The following ZNF503 variants were observed in gnomAD, a reference collection of about 807,000 sequenced individuals.
The protein encoded by ZNF503 is NocA-like zinc finger 2.
A neutral mutation model predicts 34.4 loss-of-function variants in ZNF503; 15 were observed. The ratio of observed to expected loss-of-function variants is 0.44; its 90% CI spans 0.29 to 0.67. The LOEUF is 0.67. Among genes scored for constraint, ZNF503 ranks in the 30% least tolerant of loss-of-function variants. ZNF503 has a pLI of 0.13. For synonymous variants in ZNF503, 580 were observed against 456.8 expected, an observed-to-expected ratio of 1.27 and a Z score of -3.44; for missense variants, 1,007 against 926.8, an observed-to-expected ratio of 1.09 and a Z score of -1.12.
the ZNF503 span, chr10:75,361,032 A>G: frequency 6.6e-6 from 1 of 152,372 alleles, no homozygotes; most frequent in South Asian, 2.1e-4. Context: ...CAGGGCCTGA[A>G]GCCAGAGGCT....
chr10:75,287,937 C>T, the ZNF503 span, among the ~76,000 whole-genome samples: 20 of 152,134 alleles, frequency 1.3e-4, no homozygotes, highest in African/African-American at 3.4e-4. Flanking sequence ...GTCAGTCTGC[C>T]GGGGCCCCTT....
chr10:75,369,764 C>T, the ZNF503 span, among the ~76,000 whole-genome samples: 2 of 152,064 alleles, frequency 1.3e-5, no homozygotes, highest in South Asian at 2.1e-4. Context: ...AAGGGAGAAT[C>T]TGGATAGATA....
At position 75,398,772 on chromosome 10, in the gene ZNF503, C is replaced by A; in HGVS notation, c.1918G>T (p.Ala640Ser). ...YALYGQRLTT[A>S]SALGYQ Reference sequence around the variant, plus strand: ...CCTCACTGATACCCCAGCGCCGAGGCGGTGGTCAGTCTCTGTCCGTAGAGG... The same window carrying A: ...CCTCACTGATACCCCAGCGCCGAGGAGGTGGTCAGTCTCTGTCCGTAGAGG... The change falls in exon 2 of 2, where the codon GCC becomes TCC. Residue 640 changes from alanine to serine, a missense_variant. Ala to Ser is a moderately conservative substitution (Grantham distance 99). Coordinates refer to ENST00000372524, the MANE Select transcript of ZNF503 (RefSeq NM_032772.6). 7.0e-7 allele frequency: 1 copy of A among 1,426,660 alleles called. No homozygotes were observed. The highest frequency in any genetic ancestry group is 1.6e-5 in the South Asian group (1 of 61,574). 88.4% of individuals were successfully genotyped at this position (1,426,660 alleles called of 1,614,324 possible).
chr10:75,281,124 G>T, the ZNF503 span, among the ~76,000 whole-genome samples: 1 of 152,186 alleles, frequency 6.6e-6, no homozygotes, highest in African/African-American at 2.4e-5. Context: ...ATATTGTTGG[G>T]ATGACGGTCA....
the ZNF503 span, among the ~76,000 whole-genome samples, chr10:75,341,568 G>T: frequency 6.6e-6 from 1 of 152,226 alleles, no homozygotes; most frequent in African/African-American, 2.4e-5. Context: ...TGGGTTGGCT[G>T]AGAATTGCTA....
the ZNF503 span, among the ~76,000 whole-genome samples, chr10:75,363,059 GGT>G: frequency 8.7e-5 from 13 of 148,746 alleles, no homozygotes; most frequent in African/African-American, 2.8e-4. Flanking sequence ...TGTGGGCATG[GGT>G]GTGTGTGTGC....
At chr10:75,334,220 G>A in the ZNF503 span, among the ~76,000 whole-genome samples, 4 of 151,876 alleles carry the variant, frequency 2.6e-5, no homozygotes, top group East Asian at 1.9e-4. Flanking sequence ...CGCGGGGCCC[G>A]TCCGCTCCTC....
chr10:75,349,519 G>A, the ZNF503 span, among the ~76,000 whole-genome samples: 1 of 152,232 alleles, frequency 6.6e-6, no homozygotes, highest in Non-Finnish European at 1.5e-5. Flanking sequence ...GTCATGTGAT[G>A]TGGGGATTAT....
In ZNF503 at chr10:75,398,911, G is replaced by A; in HGVS notation, c.1779C>T (p.His593=). 2 of 1,567,942 alleles carry A rather than the reference G, an allele frequency of 1.3e-6. No homozygotes were observed. The highest frequency in any genetic ancestry group is 1.7e-6 in the Non-Finnish European group (2 of 1,159,818). Residue 593 remains histidine, a synonymous_variant, in exon 2 of 2, where the codon CAC becomes CAT. Transcript: ENST00000372524. ...SPGTLALRSP[H]HALGLSSRYH... Reference sequence around the variant, plus strand: ...AGCGGCTGCTGAGTCCCAGCGCGTGGTGGGGGCTGCGCAGCGCCAGCGTCC... The same window carrying A: ...AGCGGCTGCTGAGTCCCAGCGCGTGATGGGGGCTGCGCAGCGCCAGCGTCC...
the ZNF503 span, among the ~76,000 whole-genome samples, chr10:75,323,557 T>C: frequency 1.5e-4 from 23 of 152,344 alleles, no homozygotes; most frequent in African/African-American, 4.3e-4. Flanking sequence ...TGTCAGGTTT[T>C]GTTTGTTCAT....
At chr10:75,369,096 G>A in the ZNF503 span, among the ~76,000 whole-genome samples, 1 of 152,114 alleles carries the variant, frequency 6.6e-6, no homozygotes, top group South Asian at 2.1e-4. Context: ...TATTAAGTGG[G>A]GGGAAAAAGC....
chr10:75,401,785 A>C, upstream of ZNF503: 3 of 267,836 alleles, frequency 1.1e-5, no homozygotes, highest in East Asian at 9.9e-5. Context: ...CTCACTTCAA[A>C]AGCAGCTGCA....
downstream of ZNF503, among the ~76,000 whole-genome samples, chr10:75,396,363 G>A (rs550662972): frequency 2.8e-4 from 43 of 152,300 alleles, no homozygotes; most frequent in Non-Finnish European, 4.9e-4. The surrounding 1 kb of genome is among the most constrained non-coding windows in gnomAD (Gnocchi z 4.4). Flanking sequence ...TGGAGACGGC[G>A]GCGGAGCCAG....
the ZNF503 span, among the ~76,000 whole-genome samples, chr10:75,335,603 A>G: frequency 3.3e-5 from 5 of 152,226 alleles, no homozygotes; most frequent in African/African-American, 4.8e-5. Context: ...GCCCCAACCT[A>G]TCTTTCTAAC....
downstream of ZNF503, among the ~76,000 whole-genome samples, chr10:75,397,448 G>C (rs2131985682): frequency 6.6e-6 from 1 of 152,114 alleles, no homozygotes; most frequent in African/African-American, 2.4e-5. Flanking sequence ...GGCGAGTCCC[G>C]GCCTGCTCCA....
the ZNF503 span, among the ~76,000 whole-genome samples, chr10:75,385,968 G>C: frequency 6.6e-6 from 1 of 152,112 alleles, no homozygotes; most frequent in Non-Finnish European, 1.5e-5. Flanking sequence ...ACGCAATGCA[G>C]GCATCAGAAA....
At chr10:75,297,395 C>T in the ZNF503 span, among the ~76,000 whole-genome samples, 1 of 152,204 alleles carries the variant, frequency 6.6e-6, no homozygotes, top group Middle Eastern at 3.2e-3. Context: ...ACATTAAGAC[C>T]TTACTGTGTG....
the ZNF503 span, among the ~76,000 whole-genome samples, chr10:75,372,597 G>C: frequency 6.6e-6 from 1 of 152,212 alleles, no homozygotes; most frequent in Admixed American, 6.5e-5. Context: ...CTCAACCAGG[G>C]ACAGGATTGT....
chr10:75,391,099 T>C, the ZNF503 span, among the ~76,000 whole-genome samples: 1 of 152,204 alleles, frequency 6.6e-6, no homozygotes, highest in Non-Finnish European at 1.5e-5. Context: ...TACAGTTACA[T>C]TGGGGTGTAG....
Sources: gnomAD v4.1 joint callset for allele counts (sites outside exome capture counted in the v4.1 genomes callset) on GRCh38, gnomAD v4.1.1 for gene constraint, Gnocchi (gnomAD v3.1) non-coding constraint, MANE v1.5 for transcripts, NCBI Gene and HGNC (gene_info 2026-07-23, HGNC 2026-07-21) for gene names.